Variants in SLC13A5 observed in about 807,000 individuals in gnomAD.
SLC13A5 encodes solute carrier family 13 member 5.
SLC13A5 carries 25 observed loss-of-function variants against 56.5 expected under a neutral mutation model. The ratio of observed to expected loss-of-function variants is 0.44; its 90% confidence interval spans 0.32 to 0.62. SLC13A5 has a LOEUF of 0.62. SLC13A5 is among the 20% of genes least tolerant of loss of function. SLC13A5 has a pLI of 0.04. For missense variants in SLC13A5, 649 were observed against 737.8 expected, an observed-to-expected ratio of 0.88 and a Z score of 1.39; for synonymous variants, 307 against 301.5, an observed-to-expected ratio of 1.02 and a Z score of -0.19.
intron 8 of SLC13A5, 46 bp downstream of exon 8, chr17:6,694,051 C>T: frequency 7.3e-7 from 1 of 1,368,246 alleles, no homozygotes; most frequent in Non-Finnish European, 1.0e-6. Context: ...CCTTTGGTTC[C>T]AGGGCTCCAG....
At chr17:6,694,671 C>G (rs1973511013) in intron 7 of SLC13A5, among the ~76,000 whole-genome samples, 1 of 151,980 alleles carries the variant, frequency 6.6e-6, no homozygotes, top group Non-Finnish European at 1.5e-5. Context: ...ATCAAGATGC[C>G]CACACTCTTG....
intron 6 of SLC13A5, among the ~76,000 whole-genome samples, chr17:6,697,131 G>T (rs137967682): frequency 6.6e-4 from 101 of 152,288 alleles, no homozygotes; most frequent in African/African-American, 2.1e-3. Context: ...CCGGCACAGG[G>T]ATGGCTCTGC....
intron 8 of SLC13A5, chr17:6,693,668 G>A (rs1973477784): frequency 6.3e-6 from 1 of 158,980 alleles, no homozygotes; most frequent in South Asian, 2.0e-4. Flanking sequence ...TGTAGCAATA[G>A]TGGGAAATGT....
intron 7 of SLC13A5, among the ~76,000 whole-genome samples, chr17:6,694,489 G>A (rs962277638): frequency 6.6e-6 from 1 of 152,136 alleles, no homozygotes; most frequent in Non-Finnish European, 1.5e-5. Context: ...ATGCTGGCGG[G>A]CGCCTGTAAT....
At chr17:6,703,187 A>C in intron 4 of SLC13A5, 49 bp from the exon 5 acceptor site, 1 of 1,604,656 alleles carries the variant, frequency 6.2e-7, no homozygotes, top group Non-Finnish European at 8.5e-7. Context: ...GGGGCTGCCC[A>C]CCCAGCCCCA....
chr17:6,695,681 G>A (rs761567562), intron 7 of SLC13A5, 45 bp downstream of exon 7: 39 of 1,600,292 alleles, frequency 2.4e-5, no homozygotes, highest in Non-Finnish European at 2.5e-5. Context: ...GTGAGCCAAC[G>A]CGCCTGGCCC....
intron 6 of SLC13A5, among the ~76,000 whole-genome samples, chr17:6,698,314 T>G (rs1973614474): frequency 6.6e-6 from 1 of 152,218 alleles, no homozygotes; most frequent in Non-Finnish European, 1.5e-5. Flanking sequence ...CAAAAGCTGA[T>G]GAAGGCCGTG....
chr17:6,706,544 C>T, intron 3 of SLC13A5, 98 bp downstream of exon 3: 10 of 1,504,874 alleles, frequency 6.6e-6, no homozygotes, highest in Non-Finnish European at 8.9e-6. Flanking sequence ...CATGGCCAGC[C>T]CTCACCAGTG....
At chr17:6,710,207 C>T (rs188642013) in intron 1 of SLC13A5, among the ~76,000 whole-genome samples, 7 of 152,262 alleles carry the variant, frequency 4.6e-5, no homozygotes, top group Admixed American at 1.3e-4. Context: ...AATGATGCCT[C>T]CAGGGGCAGA....
intron 10 of SLC13A5, chr17:6,690,097 C>T (rs1443589153): frequency 1.3e-5 from 1 of 75,730 alleles, no homozygotes; most frequent in Non-Finnish European, 2.7e-5. Context: ...AAAAAAAAAC[C>T]ATAGCCACTG....
Position 6,694,165 on chromosome 17 carries a change from A to G in SLC13A5, c.1088T>C (p.Val363Ala). Residue 363 changes from valine to alanine, a missense_variant, in exon 8 of 12, where the codon GTG becomes GCG. By Grantham distance (64) the Val-to-Ala change is moderately conservative. Transcript: ENST00000433363. ...YVSDATVAIF[V>A]ATLLFIVPSQ... is the part of the protein sequence containing the mutation. Reference sequence around the variant, plus strand: ...AGGCACAATGAATAGCAGGGTGGCCACAAAGATGGCCACAGTGGCATCGGA... The same window carrying G: ...AGGCACAATGAATAGCAGGGTGGCCGCAAAGATGGCCACAGTGGCATCGGA... 1.2e-6 allele frequency: 2 copies of G among 1,613,482 alleles called. No homozygotes were observed. Among genetic ancestry groups the G allele is most frequent in the Non-Finnish European group, 1.7e-6 (2 of 1,179,632 alleles).
Position 6,710,042 on chromosome 17 carries a change from G to A in SLC13A5, c.103-2886C>T, listed in dbSNP as rs191632784. 4.0e-3 allele frequency among the ~76,000 whole-genome samples: 605 copies of A among 152,306 alleles called. 7 individuals are homozygous for A. The highest frequency in any genetic ancestry group is 0.014 in the African/African-American group (569 of 41,560). ...AAAGGGTCAATGCTGGTTGACAGCCGCTGAACTAAAGGCGGAACAGCAGCG... is the reference window on the plus strand; with the variant it reads ...AAAGGGTCAATGCTGGTTGACAGCCACTGAACTAAAGGCGGAACAGCAGCG... On this transcript the variant is annotated intron_variant, in intron 1 of 11. Transcript: ENST00000433363.
rs779336736 is a variant in SLC13A5 at position 6,687,644 on chromosome 17, G to C, written c.1460C>G (p.Pro487Arg). The change falls in exon 11 of 12, where the codon CCG becomes CGG. Residue 487 changes from proline (P) to arginine (R), a missense_variant. Pro to Arg is a moderately radical substitution (Grantham distance 103, BLOSUM62 -2). Transcript: ENST00000433363. The surrounding 1 kb of genome is among the most constrained non-coding windows in gnomAD (Gnocchi z 5.0). ...GGTACAGGGCAGCATGATGTACAGCGGATTGAGGCCGATGGAGCGAGACTG... is the reference window on the plus strand; with the variant it reads ...GGTACAGGGCAGCATGATGTACAGCCGATTGAGGCCGATGGAGCGAGACTG... ...ASMSRSIGLN[P>R]LYIMLPCTLS... The C allele has an allele frequency of 1.2e-6, 2 of 1,606,632 alleles. No individual in the cohort carries two copies. The highest frequency in any genetic ancestry group is 2.2e-5 in the South Asian group (2 of 89,336).
At chr17:6,706,514 C>T in intron 3 of SLC13A5, 128 bp downstream of exon 3, 1 of 1,349,932 alleles carries the variant, frequency 7.4e-7, no homozygotes, top group Non-Finnish European at 1.0e-6. Context: ...GCACCCCACC[C>T]AGCCAAGTCC....
intron 3 of SLC13A5, 102 bp from the exon 4 acceptor site, chr17:6,704,158 A>G: frequency 2.4e-6 from 3 of 1,249,528 alleles, no homozygotes; most frequent in Non-Finnish European, 3.4e-6. Context: ...AGGGATGCAC[A>G]GGTGTTGAGG....
chr17:6,698,437 A>G (rs1456825953), intron 6 of SLC13A5, among the ~76,000 whole-genome samples: 1 of 152,150 alleles, frequency 6.6e-6, no homozygotes, highest in Non-Finnish European at 1.5e-5. Flanking sequence ...GCGCCATGCT[A>G]TCTCCCTCCT....
In SLC13A5 at chr17:6,703,130, C is replaced by T. The variant is rs767264479; in HGVS notation, c.556G>A (p.Val186Met). 6.2e-7 allele frequency: 1 copy of T among 1,614,072 alleles called. No homozygotes were observed. The highest frequency in any genetic ancestry group is 1.7e-5 in the Admixed American group (1 of 60,028). The change falls in exon 5 of 12, where the codon GTG (valine) becomes ATG (methionine). Residue 186 changes from valine (V) to methionine (M), a missense_variant. Transcript: ENST00000433363. ...CCCAGAGTGGGGCCTTCAAAAATCA[C>T]TTGACTCCCTGTGGTGGGCACAGCG... ...GKAKELPGSQ[V>M]IFEGPTLGQQ...
In SLC13A5 at chr17:6,711,655, G is replaced by A. The variant is rs1197178592; in HGVS notation, c.102+1577C>T. Among the ~76,000 whole-genome samples, 1 of 151,330 alleles carries A rather than the reference G, an allele frequency of 6.6e-6. No individual in the cohort carries two copies. The highest frequency in any genetic ancestry group is 1.5e-5 in the Non-Finnish European group (1 of 67,768). The stretch of plus-strand genomic sequence containing the variant: ...TTGTGCGTGTGTTTTGTGTGTGTCT[G>A]TGTGTTTGTGTGTGTGTCTGTGTGT... On this transcript the variant is annotated intron_variant, in intron 1 of 11. Transcript: ENST00000433363. The surrounding 1 kb of genome is among the most constrained non-coding windows in gnomAD (Gnocchi z 4.0).
chr17:6,702,806 AG>A (rs1203105278), intron 5 of SLC13A5, among the ~76,000 whole-genome samples, 163 bp downstream of exon 5: 1 of 152,192 alleles, frequency 6.6e-6, no homozygotes, highest in Admixed American at 6.5e-5. Flanking sequence ...CAGGACACAG[AG>A]GCTAGATGGG....
Sources: allele counts gnomAD v4.1 joint callset (sites outside exome capture counted in the v4.1 genomes callset), GRCh38; gene constraint gnomAD v4.1.1; non-coding constraint Gnocchi (gnomAD v3.1); transcripts MANE v1.5; gene names NCBI Gene and HGNC (gene_info 2026-07-23, HGNC 2026-07-21).